Variants in ROBO2 observed in about 807,000 individuals in gnomAD.
ROBO2 encodes roundabout homolog 2.
A neutral mutation model predicts 160.8 loss-of-function variants in ROBO2; 53 were observed. That is an observed-to-expected ratio of 0.33 (90% CI 0.26 to 0.41). The LOEUF (loss-of-function observed/expected upper bound fraction) is 0.41. ROBO2 is among the 10% of genes least tolerant of loss of function. The probability of loss-of-function intolerance (pLI) is 1.00; values close to 1 mark genes in which losing one functional copy is unlikely to be tolerated. For synonymous variants in ROBO2, 664 were observed against 611.7 expected, an observed-to-expected ratio of 1.09 and a Z score of -1.26; for missense variants, 1,577 against 1,722.4, an observed-to-expected ratio of 0.92 and a Z score of 1.49.
chr3:76,559,223 CGTT>C, intron 2 of ROBO2, among the ~76,000 whole-genome samples: 1 of 152,076 alleles, frequency 6.6e-6, no homozygotes, highest in East Asian at 1.9e-4. Context: ...ACAATGGTCA[CGTT>C]GTGATAGGGA....
At chr3:76,340,048 C>T (rs2074124763) in intron 2 of ROBO2, among the ~76,000 whole-genome samples, 1 of 148,564 alleles carries the variant, frequency 6.7e-6, no homozygotes, top group South Asian at 2.1e-4. Flanking sequence ...ATTGCATAAA[C>T]TACTAGCTAC....
intron 2 of ROBO2, among the ~76,000 whole-genome samples, chr3:76,024,269 GT>G (rs891858038): frequency 6.6e-6 from 1 of 151,334 alleles, no homozygotes; most frequent in African/African-American, 2.4e-5. Flanking sequence ...AAAGACGCCT[GT>G]TTTGTCTATC....
chr3:76,946,371 G>T (rs1381648352), intron 2 of ROBO2, among the ~76,000 whole-genome samples: 1 of 152,080 alleles, frequency 6.6e-6, no homozygotes, highest in Non-Finnish European at 1.5e-5. Flanking sequence ...TACTTGAAAA[G>T]GACCCTGTGT....
chr3:77,441,774 A>G (rs976792965), intron 2 of ROBO2, among the ~76,000 whole-genome samples: 1 of 152,182 alleles, frequency 6.6e-6, no homozygotes, highest in African/African-American at 2.4e-5. Context: ...TTAAAATTCC[A>G]TTTTGGTGAA....
intron 2 of ROBO2, among the ~76,000 whole-genome samples, chr3:75,981,995 A>G (rs2065291789): frequency 6.6e-6 from 1 of 151,066 alleles, no homozygotes; most frequent in African/African-American, 2.4e-5. Context: ...TGATTTTTAG[A>G]TCCCACAAAT....
At chr3:76,600,352 T>C (rs2087045880) in intron 2 of ROBO2, among the ~76,000 whole-genome samples, 1 of 152,172 alleles carries the variant, frequency 6.6e-6, no homozygotes, top group Non-Finnish European at 1.5e-5. Context: ...ACATTAATGA[T>C]TTGAAAATGA....
At chr3:76,672,101 G>T (rs979035339) in intron 2 of ROBO2, among the ~76,000 whole-genome samples, 1 of 151,514 alleles carries the variant, frequency 6.6e-6, no homozygotes, top group Non-Finnish European at 1.5e-5. Context: ...TATTTTTTTC[G>T]AATACGTATC....
At chr3:77,124,955 A>G (rs887666862) in intron 2 of ROBO2, among the ~76,000 whole-genome samples, 2 of 150,194 alleles carry the variant, frequency 1.3e-5, no homozygotes, top group African/African-American at 4.9e-5. Flanking sequence ...TCTTCCTACC[A>G]TATAATATCC....
At chr3:76,501,891 CA>C (rs1194502816) in intron 2 of ROBO2, among the ~76,000 whole-genome samples, 1 of 152,040 alleles carries the variant, frequency 6.6e-6, no homozygotes, top group African/African-American at 2.4e-5. Flanking sequence ...GACTTATTGT[CA>C]AAAGGACACT....
intron 2 of ROBO2, among the ~76,000 whole-genome samples, chr3:76,019,810 T>C (rs2066520090): frequency 6.6e-6 from 1 of 151,662 alleles, no homozygotes; most frequent in African/African-American, 2.4e-5. Context: ...GTTTAGGTTT[T>C]CTCTGAAGTT....
chr3:76,398,043 C>G (rs968200601), intron 2 of ROBO2, among the ~76,000 whole-genome samples: 7 of 152,024 alleles, frequency 4.6e-5, no homozygotes, highest in Admixed American at 4.6e-4. Flanking sequence ...TATTGTGGCA[C>G]TATTCACAAT....
At chr3:77,024,636 C>A (rs578247500) in intron 2 of ROBO2, among the ~76,000 whole-genome samples, 1 of 152,250 alleles carries the variant, frequency 6.6e-6, no homozygotes, top group East Asian at 1.9e-4. Flanking sequence ...ACTGAGAGAA[C>A]TAACTAAGAG....
chr3:76,048,694 C>T (rs1170392381), intron 2 of ROBO2, among the ~76,000 whole-genome samples: 3 of 152,022 alleles, frequency 2.0e-5, no homozygotes, highest in African/African-American at 4.8e-5. Context: ...CCATTTGACC[C>T]CTAAAAAGCT....
intron 2 of ROBO2, among the ~76,000 whole-genome samples, chr3:76,190,660 GTTAAT>G (rs1388260071): frequency 6.6e-6 from 1 of 151,954 alleles, no homozygotes; most frequent in East Asian, 1.9e-4. Context: ...TGTAAACCAG[GTTAAT>G]TTAAACATTG....
In ROBO2 at chr3:76,850,740, T is replaced by C. The variant is rs141040160; in HGVS notation, c.110-247274T>C. 9.1e-4 allele frequency among the ~76,000 whole-genome samples: 139 copies of C among 152,234 alleles called. 1 individual carries two copies. The highest frequency in any genetic ancestry group is 3.3e-3 in the African/African-American group (137 of 41,552). On this transcript the variant is annotated intron_variant, in intron 2 of 26. Coordinates refer to the ROBO2 transcript ENST00000487694. ...GCAGTGACACACCAAGGCACTAGAATAGGCTTTTAATCTTAATAAGAGAAT... is the reference window on the plus strand; with the variant it reads ...GCAGTGACACACCAAGGCACTAGAACAGGCTTTTAATCTTAATAAGAGAAT...
chr3:77,346,189 G>A (rs2067613918), intron 2 of ROBO2, among the ~76,000 whole-genome samples: 1 of 152,124 alleles, frequency 6.6e-6, no homozygotes, highest in South Asian at 2.1e-4. Context: ...CTTGCATTTA[G>A]TGTATTTAGA....
intron 2 of ROBO2, among the ~76,000 whole-genome samples, chr3:75,950,364 A>G (rs1208525991): frequency 6.6e-6 from 1 of 152,128 alleles, no homozygotes; most frequent in Non-Finnish European, 1.5e-5. Context: ...ACCTTTGTTA[A>G]GGAACTGAAG....
At chr3:76,554,294 T>C (rs900670570) in intron 2 of ROBO2, among the ~76,000 whole-genome samples, 2 of 152,114 alleles carry the variant, frequency 1.3e-5, no homozygotes, top group Non-Finnish European at 2.9e-5. Flanking sequence ...TCACAGCAAA[T>C]GTCAGGGAGA....
intron 2 of ROBO2, among the ~76,000 whole-genome samples, chr3:76,580,342 G>GGTTTTTTTT (rs1553812372): frequency 1.1e-5 from 1 of 90,562 alleles, no homozygotes; most frequent in Non-Finnish European, 2.1e-5. Flanking sequence ...TTTTTTTTGT[G>GGTTTTTTTT]TTTTTTTTTT....
Sources: allele counts gnomAD v4.1 joint callset (sites outside exome capture counted in the v4.1 genomes callset), GRCh38; gene constraint gnomAD v4.1.1; transcripts MANE v1.5; gene names NCBI Gene and HGNC (gene_info 2026-07-23, HGNC 2026-07-21).